Variants in DIS3L2 observed in about 807,000 individuals in gnomAD.
The protein encoded by DIS3L2 is DIS3-like exonuclease 2.
In DIS3L2, 34 loss-of-function variants were observed where a neutral mutation model predicts 97.5. The observed-to-expected ratio is 0.35, with a 90% CI of 0.27 to 0.46. The LOEUF (loss-of-function observed/expected upper bound fraction) is 0.46, where lower values mean the gene tolerates loss of function less well. DIS3L2 is among the 20% of genes least tolerant of loss of function. The probability of loss-of-function intolerance (pLI) is 1.00; values close to 1 mark genes in which losing one functional copy is unlikely to be tolerated. For missense variants in DIS3L2, 1,038 were observed against 1,146.0 expected (o/e 0.91, Z 1.36); for synonymous variants, 435 against 445.2 (o/e 0.98, Z 0.29).
chr2:232,055,449 C>A (rs950614404), intron 5 of DIS3L2, among the ~76,000 whole-genome samples: 2 of 152,176 alleles, frequency 1.3e-5, no homozygotes, highest in African/African-American at 4.8e-5. Context: ...AAGACCTCAA[C>A]ATTGCAAACG....
intron 1 of DIS3L2, among the ~76,000 whole-genome samples, chr2:231,985,866 G>A (rs898415732): frequency 1.3e-5 from 2 of 152,176 alleles, no homozygotes; most frequent in African/African-American, 4.8e-5. Context: ...GTGTGTCTGT[G>A]AGAGTGTTGC....
chr2:232,071,729 G>T (rs1468984153), intron 5 of DIS3L2, among the ~76,000 whole-genome samples: 1 of 152,042 alleles, frequency 6.6e-6, no homozygotes, highest in African/African-American at 2.4e-5. Context: ...AAATAGAGAC[G>T]AGGTCTCACT....
chr2:232,009,056 G>C (rs922999872), intron 1 of DIS3L2, among the ~76,000 whole-genome samples: 4 of 151,734 alleles, frequency 2.6e-5, no homozygotes, highest in African/African-American at 9.7e-5. Flanking sequence ...TTTCCATTTG[G>C]CTCTTTTTTA....
chr2:232,168,331 T>C (rs1365654705), intron 9 of DIS3L2, among the ~76,000 whole-genome samples: 1 of 152,230 alleles, frequency 6.6e-6, no homozygotes, highest in African/African-American at 2.4e-5. Flanking sequence ...AGGTAACATA[T>C]GACTGATAGC....
chr2:232,335,753 G>GC lies in DIS3L2; in HGVS notation c.2395-19dup. On this transcript the variant is annotated intron_variant, in intron 19 of 20. Coordinates refer to ENST00000325385, the MANE Select transcript of DIS3L2 (RefSeq NM_152383.5). ...GCAGCATCCAGAGCTGAGGCCTGAG[G>GC]CTTGGTGTTTGCACTCCAGGCACTG... 1 of 1,549,810 alleles carries GC rather than the reference G, an allele frequency of 6.5e-7. No individual in the cohort carries two copies.
intron 10 of DIS3L2, among the ~76,000 whole-genome samples, chr2:232,236,966 T>TCTCAAACTCCTGGC (rs1233397586): frequency 7.2e-5 from 11 of 152,130 alleles, no homozygotes; most frequent in Non-Finnish European, 1.0e-4. Context: ...GCCAGGCTGG[T>TCTCAAACTCCTGGC]CTCAAACTCC....
intron 6 of DIS3L2, among the ~76,000 whole-genome samples, chr2:232,097,744 C>G (rs1319529869): frequency 6.6e-6 from 1 of 152,200 alleles, no homozygotes; most frequent in Non-Finnish European, 1.5e-5. Context: ...CCCTTCTCCC[C>G]TGAGGCCGAG....
At chr2:232,141,378 C>T (rs1262097776) in intron 8 of DIS3L2, among the ~76,000 whole-genome samples, 3 of 152,124 alleles carry the variant, frequency 2.0e-5, no homozygotes, top group Non-Finnish European at 4.4e-5. Context: ...CTTGGCAACA[C>T]TGAAGGCTAG....
intron 10 of DIS3L2, among the ~76,000 whole-genome samples, chr2:232,234,905 CAAG>C (rs1159415736): frequency 6.6e-6 from 1 of 152,212 alleles, no homozygotes; most frequent in Non-Finnish European, 1.5e-5. Context: ...CAGGTGGCTT[CAAG>C]AAGATGTCAG....
chr2:232,263,075 T>A (rs1484179008), intron 12 of DIS3L2, 132 bp from the exon 13 acceptor site: 3 of 954,118 alleles, frequency 3.1e-6, no homozygotes, highest in African/African-American at 1.6e-5. Flanking sequence ...AGCCTGAACC[T>A]GCCACCATTC....
At chr2:232,171,228 T>A (rs888089656) in intron 9 of DIS3L2, among the ~76,000 whole-genome samples, 1 of 152,198 alleles carries the variant, frequency 6.6e-6, no homozygotes, top group African/African-American at 2.4e-5. Flanking sequence ...ATAGGTGTCA[T>A]GCAGAAAAAG....
chr2:232,161,583 G>C (rs945168553), intron 8 of DIS3L2, among the ~76,000 whole-genome samples: 1 of 152,002 alleles, frequency 6.6e-6, no homozygotes. Flanking sequence ...TGATTCCTTT[G>C]CCTCAGCCAC....
chr2:232,285,145 T>C (rs540879414), intron 13 of DIS3L2, among the ~76,000 whole-genome samples: 38 of 152,374 alleles, frequency 2.5e-4, no homozygotes, highest in African/African-American at 8.9e-4. Context: ...CTGCAGTTTT[T>C]GGACTAGCTG....
rs1199349450 is a variant in DIS3L2, at chr2:232,037,950, G to C, written c.366+7870G>C. On this transcript the variant is annotated intron_variant, in intron 5 of 20. Transcript: ENST00000325385. The surrounding 1 kb of genome is among the most constrained non-coding windows in gnomAD (Gnocchi z 4.6). The stretch of plus-strand genomic sequence containing the variant: ...ACCAGCCTTCTGCGTTGGTCTCACT[G>C]GGAGCTGCAGGCAGAAGCTGTTCCT... Among the ~76,000 whole-genome samples, 1 of 152,220 alleles carries C rather than the reference G, an allele frequency of 6.6e-6. No homozygotes were observed. Among genetic ancestry groups the C allele is most frequent in the South Asian group, 2.1e-4 (1 of 4,826 alleles).
At chr2:232,297,102 C>A (rs759826331) in intron 13 of DIS3L2, among the ~76,000 whole-genome samples, 1 of 152,178 alleles carries the variant, frequency 6.6e-6, no homozygotes, top group African/African-American at 2.4e-5. Context: ...CTGTCTCCAA[C>A]GCCACTGCAC....
At chr2:232,138,553 G>T (rs1408060882) in intron 8 of DIS3L2, among the ~76,000 whole-genome samples, 2 of 152,004 alleles carry the variant, frequency 1.3e-5, no homozygotes, top group African/African-American at 4.8e-5. Context: ...TGAGGGGTGA[G>T]GGCTGCAGCT....
At chr2:232,197,906 A>C (rs1691797826) in intron 9 of DIS3L2, among the ~76,000 whole-genome samples, 1 of 151,928 alleles carries the variant, frequency 6.6e-6, no homozygotes, top group South Asian at 2.1e-4. Context: ...CGGAGGTTGC[A>C]GTGAGCGGAG....
chr2:232,251,164 TAC>T (rs1217828028), intron 12 of DIS3L2, among the ~76,000 whole-genome samples: 1 of 151,948 alleles, frequency 6.6e-6, no homozygotes, highest in African/African-American at 2.4e-5. Flanking sequence ...TCAACTGGAG[TAC>T]AAACAAAACA....
chr2:232,243,317 G>A (rs903201725), intron 11 of DIS3L2, among the ~76,000 whole-genome samples: 1 of 152,158 alleles, frequency 6.6e-6, no homozygotes, highest in Non-Finnish European at 1.5e-5. Flanking sequence ...TGTAGAGAGA[G>A]CCACGGATGA....
Sources: allele counts gnomAD v4.1 joint callset (sites outside exome capture counted in the v4.1 genomes callset), GRCh38; gene constraint gnomAD v4.1.1; non-coding constraint Gnocchi (gnomAD v3.1); transcripts MANE v1.5; gene names NCBI Gene and HGNC (gene_info 2026-07-23, HGNC 2026-07-21).